Variants in MARCHF1 observed in about 807,000 individuals in gnomAD.
MARCHF1 encodes the protein membrane associated ring-CH-type finger 1.
In MARCHF1, 40 loss-of-function variants were observed where a neutral mutation model predicts 54.2. The ratio of observed to expected loss-of-function variants is 0.74; its 90% CI spans 0.57 to 0.96. MARCHF1 has a LOEUF of 0.96. MARCHF1 is among the 40% of genes least tolerant of loss of function. The probability of loss-of-function intolerance (pLI) is 0.00; values close to 1 mark genes in which losing one functional copy is unlikely to be tolerated. For missense variants in MARCHF1, 586 were observed against 656.5 expected (o/e 0.89, Z 1.17); for synonymous variants, 236 against 236.3 (o/e 1.00, Z 0.01).
chr4:163,753,990 T>C (rs139304407), intron 4 of MARCHF1, among the ~76,000 whole-genome samples: 4 of 152,266 alleles, frequency 2.6e-5, no homozygotes, highest in African/African-American at 9.6e-5. Context: ...TAACTAAATG[T>C]TTCAGTTCAG....
Position 164,132,621 on chromosome 4 carries a change from T to C in MARCHF1, c.-322-20959A>G, listed in dbSNP as rs78949395. On this transcript the variant is annotated intron_variant, in intron 1 of 9. Transcript: ENST00000514618. Reference sequence around the variant, plus strand: ...CCCCCTGCAATCTGTGTTGGATTCCTTTGCCAACATTTGAATATCCTGTTC... The same window carrying C: ...CCCCCTGCAATCTGTGTTGGATTCCCTTGCCAACATTTGAATATCCTGTTC... 2.6e-3 allele frequency among the ~76,000 whole-genome samples: 400 copies of C among 152,294 alleles called. 4 individuals are homozygous for C. Among genetic ancestry groups the C allele is most frequent in the African/African-American group, 8.9e-3 (368 of 41,560 alleles).
chr4:163,688,039 T>C (rs1040181179), intron 5 of MARCHF1, among the ~76,000 whole-genome samples: 4 of 152,174 alleles, frequency 2.6e-5, no homozygotes, highest in Non-Finnish European at 5.9e-5. Flanking sequence ...CCAAATAGGC[T>C]ATGCACATTA....
chr4:163,905,432 T>C (rs4131972), intron 3 of MARCHF1, among the ~76,000 whole-genome samples: 31,529 of 152,042 alleles, frequency 0.21, 3,567 homozygotes, highest in South Asian at 0.33. Context: ...ACTTCTGAAA[T>C]AGAACACAGC....
At chr4:164,137,908 T>C (rs1293853921) in intron 1 of MARCHF1, among the ~76,000 whole-genome samples, 1 of 152,194 alleles carries the variant, frequency 6.6e-6, no homozygotes, top group Non-Finnish European at 1.5e-5. Flanking sequence ...TTTGAGCAAG[T>C]TGACCTGAAA....
At chr4:164,295,275 C>A (rs1734381016) in intron 1 of MARCHF1, among the ~76,000 whole-genome samples, 1 of 152,150 alleles carries the variant, frequency 6.6e-6, no homozygotes, top group African/African-American at 2.4e-5. Flanking sequence ...GGAAGGGTAT[C>A]TTTCACTTGG....
intron 1 of MARCHF1, among the ~76,000 whole-genome samples, chr4:164,254,564 T>C (rs1352659693): frequency 6.6e-6 from 1 of 151,930 alleles, no homozygotes; most frequent in East Asian, 1.9e-4. Flanking sequence ...ATTAACTTAA[T>C]ATATATCTAT....
chr4:163,648,924 A>T (rs999603896), intron 5 of MARCHF1, among the ~76,000 whole-genome samples: 1 of 151,516 alleles, frequency 6.6e-6, no homozygotes, highest in Non-Finnish European at 1.5e-5. Flanking sequence ...TTTGGGGGAA[A>T]AAAAAAAACC....
chr4:164,271,114 T>C (rs571063624), intron 1 of MARCHF1, among the ~76,000 whole-genome samples: 2 of 152,234 alleles, frequency 1.3e-5, no homozygotes, highest in South Asian at 2.1e-4. Flanking sequence ...AGATGGACAA[T>C]GTAATGAAAG....
Position 163,978,024 on chromosome 4 carries a change from T to A in MARCHF1, c.-39+10477A>T, listed in dbSNP as rs899606014. Among the ~76,000 whole-genome samples, 4 of 152,078 alleles carry A rather than the reference T, an allele frequency of 2.6e-5. 1 individual carries two copies. The East Asian group carries it at 5.8e-4, about 22-fold the overall frequency. On this transcript the variant is annotated intron_variant, in intron 3 of 9. Transcript: ENST00000514618. Reference sequence around the variant, plus strand: ...AAAAGCCCATGAAATGTTGAAAAAATTAGCATAAAGGTTAGCATGTATTTC... The same window carrying A: ...AAAAGCCCATGAAATGTTGAAAAAAATAGCATAAAGGTTAGCATGTATTTC...
chr4:163,893,978 T>C (rs1410388913), intron 3 of MARCHF1, among the ~76,000 whole-genome samples: 1 of 152,180 alleles, frequency 6.6e-6, no homozygotes, highest in Non-Finnish European at 1.5e-5. Context: ...ATAGGAACAC[T>C]GGATGTTCCT....
intron 1 of MARCHF1, 117 bp from the exon 2 acceptor site, chr4:164,111,779 TA>T (rs931967766): frequency 6.6e-6 from 1 of 151,820 alleles, no homozygotes; most frequent in Non-Finnish European, 1.5e-5. Flanking sequence ...CCTATGTAAG[TA>T]GTCTTTAAAA....
chr4:164,121,916 T>G (rs138164277), intron 1 of MARCHF1, among the ~76,000 whole-genome samples: 187 of 152,110 alleles, frequency 1.2e-3, no homozygotes, highest in South Asian at 2.5e-3. Flanking sequence ...GGCCAATATC[T>G]CTGATGAATA....
In MARCHF1 at chr4:163,930,322, T is replaced by A. The variant is rs1029327799; in HGVS notation, c.-39+58179A>T. On this transcript the variant is annotated intron_variant, in intron 3 of 9. Transcript: ENST00000514618. ...CCTAGAATTAAACCCCTTTGGGGAA[T>A]AGGAACCAACAGATCATTGCTGATA... Among the ~76,000 whole-genome samples, 12 of 151,740 alleles carry A rather than the reference T, an allele frequency of 7.9e-5. No homozygotes were observed. The South Asian group carries it at 2.5e-3, about 31-fold the overall frequency.
chr4:164,074,864 A>C (rs558330688), intron 2 of MARCHF1, among the ~76,000 whole-genome samples: 4 of 151,180 alleles, frequency 2.6e-5, no homozygotes, highest in African/African-American at 9.6e-5. Context: ...TATCTGAATA[A>C]ATTTCTTCTA....
chr4:164,234,446 A>G (rs1311466480), intron 1 of MARCHF1, among the ~76,000 whole-genome samples: 1 of 152,166 alleles, frequency 6.6e-6, no homozygotes, highest in East Asian at 1.9e-4. Flanking sequence ...AACCTTTAAT[A>G]TAAGACCTTG....
intron 3 of MARCHF1, among the ~76,000 whole-genome samples, chr4:163,967,356 G>A (rs537099938): frequency 3.8e-4 from 58 of 152,230 alleles, no homozygotes; most frequent in African/African-American, 1.3e-3. Flanking sequence ...ATCAGAGGCT[G>A]ATACTTGATC....
intron 4 of MARCHF1, among the ~76,000 whole-genome samples, chr4:163,778,864 G>A (rs1747380539): frequency 6.6e-6 from 1 of 152,050 alleles, no homozygotes; most frequent in Admixed American, 6.6e-5. Flanking sequence ...TGAGAGGGTG[G>A]GAGGGGGGTA....
At chr4:164,190,359 A>G (rs1180374498) in intron 1 of MARCHF1, 1 of 595,436 alleles carries the variant, frequency 1.7e-6, no homozygotes, top group Non-Finnish European at 3.0e-6. Flanking sequence ...TACTGCTGTA[A>G]TATTGTAAAT....
At chr4:164,250,677 A>T (rs565876574) in intron 1 of MARCHF1, among the ~76,000 whole-genome samples, 252 of 152,282 alleles carry the variant, frequency 1.7e-3, no homozygotes, top group African/African-American at 5.6e-3. Context: ...ATAAAACATG[A>T]TAAATTTGAG....
Sources: allele counts gnomAD v4.1 joint callset (sites outside exome capture counted in the v4.1 genomes callset), GRCh38; gene constraint gnomAD v4.1.1; transcripts MANE v1.5; gene names NCBI Gene and HGNC (gene_info 2026-07-23, HGNC 2026-07-21).